NPAS3: variants seen among roughly 807,000 people sequenced by gnomAD.
The protein encoded by NPAS3 is neuronal PAS domain protein 3, also known as neuronal PAS domain-containing protein 3.
NPAS3 carries 14 observed loss-of-function variants against 73.1 expected under a neutral mutation model. That is an observed-to-expected ratio of 0.19 (90% CI 0.13 to 0.30). NPAS3 has a LOEUF of 0.30. NPAS3 is among the 10% of genes least tolerant of loss of function. The pLI, the probability that NPAS3 is intolerant of heterozygous loss-of-function variation, is 1.00. For missense variants in NPAS3, 1,096 were observed against 1,250.0 expected (o/e 0.88, Z 1.86); for synonymous variants, 620 against 541.5 (o/e 1.14, Z -2.01).
chr14:33,242,870 A>G (rs1340704258), intron 3 of NPAS3, among the ~76,000 whole-genome samples: 1 of 152,140 alleles, frequency 6.6e-6, no homozygotes, highest in East Asian at 1.9e-4. Flanking sequence ...ATAGCATTAG[A>G]TGATGTGGAA....
At chr14:33,797,072 C>G (rs1485981035) in intron 10 of NPAS3, among the ~76,000 whole-genome samples, 1 of 152,296 alleles carries the variant, frequency 6.6e-6, no homozygotes, top group East Asian at 1.9e-4. Flanking sequence ...GCCATGGACT[C>G]ATTAGGAGCC....
intron 5 of NPAS3, among the ~76,000 whole-genome samples, chr14:33,603,840 T>C (rs564076781): frequency 9.9e-5 from 15 of 152,112 alleles, no homozygotes; most frequent in Admixed American, 4.6e-4. Flanking sequence ...GGGAACACAG[T>C]GTGGGATTTG....
chr14:33,490,371 A>G (rs2051832716), intron 4 of NPAS3, among the ~76,000 whole-genome samples: 1 of 152,090 alleles, frequency 6.6e-6, no homozygotes, highest in African/African-American at 2.4e-5. Context: ...ACCCAGTTAT[A>G]TTTCCTTTTT....
intron 4 of NPAS3, among the ~76,000 whole-genome samples, chr14:33,451,273 T>C (rs1186738782): frequency 6.6e-6 from 1 of 152,228 alleles, no homozygotes; most frequent in Admixed American, 6.5e-5. Flanking sequence ...TGTTAAACAA[T>C]ACGGTACAGT....
chr14:33,360,354 C>T (rs1243399500), intron 3 of NPAS3, among the ~76,000 whole-genome samples: 12 of 132,358 alleles, frequency 9.1e-5, no homozygotes, highest in Admixed American at 3.1e-4. Context: ...GTGGTGGGGG[C>T]GGGAGGGGGC....
At chr14:33,508,364 T>C (rs964536815) in intron 4 of NPAS3, among the ~76,000 whole-genome samples, 11 of 152,014 alleles carry the variant, frequency 7.2e-5, no homozygotes, top group African/African-American at 2.7e-4. Context: ...TCCTCAGCAC[T>C]ATGAAGCAGT....
intron 3 of NPAS3, among the ~76,000 whole-genome samples, chr14:33,300,268 G>C (rs1033203037): frequency 3.3e-5 from 5 of 152,178 alleles, no homozygotes; most frequent in African/African-American, 7.2e-5. Context: ...TTAGCTCTAA[G>C]TATTACAGTC....
intron 2 of NPAS3, among the ~76,000 whole-genome samples, chr14:33,105,684 AGT>A (rs146966730): frequency 0.042 from 6,320 of 152,190 alleles, 131 homozygotes; most frequent in African/African-American, 0.06. Context: ...GTCCCAAATT[AGT>A]GCTAGTTGCA....
chr14:33,512,273 C>CT (rs34758120), intron 4 of NPAS3, among the ~76,000 whole-genome samples: 1,901 of 151,238 alleles, frequency 0.013, 37 homozygotes, highest in African/African-American at 0.04. Context: ...TGTAGAACAT[C>CT]TTTTTTTTTC....
chr14:33,033,406 G>A (rs2040061550), intron 1 of NPAS3, among the ~76,000 whole-genome samples: 1 of 152,114 alleles, frequency 6.6e-6, no homozygotes, highest in Admixed American at 6.5e-5. Context: ...TTGAACCTGG[G>A]AGGTGGATGT....
chr14:33,676,440 G>A lies in NPAS3; in HGVS notation c.733+55G>A, dbSNP rs752996990. On this transcript the variant is annotated intron_variant, in intron 6 of 11. Transcript: ENST00000356141. ...GGTGGGCAGGACCTTTGCCAAATGA[G>A]TGTGCTCAAGTTACCCATGTGAAGA... 1.5e-5 allele frequency: 22 copies of A among 1,442,618 alleles called. No homozygotes were observed. In the Admixed American group the frequency reaches 3.6e-4, roughly 24 times the overall value. The allele number at this position is 1,442,618 out of a possible 1,614,324, so 89.4% of individuals were successfully genotyped here. A position where few individuals can be genotyped will look rare whatever the true frequency, so the allele number is the denominator to read the frequency against.
At chr14:33,341,253 A>T (rs573283526) in intron 3 of NPAS3, among the ~76,000 whole-genome samples, 1 of 152,222 alleles carries the variant, frequency 6.6e-6, no homozygotes, top group African/African-American at 2.4e-5. Flanking sequence ...TATACATTTT[A>T]GTGGTACCTG....
At chr14:33,065,123 T>C (rs2041233515) in intron 2 of NPAS3, among the ~76,000 whole-genome samples, 1 of 152,228 alleles carries the variant, frequency 6.6e-6, no homozygotes, top group Non-Finnish European at 1.5e-5. Context: ...ATATACTCAT[T>C]AGTGATAGGA....
intron 1 of NPAS3, among the ~76,000 whole-genome samples, chr14:33,020,511 T>C (rs2039553621): frequency 6.6e-6 from 1 of 152,178 alleles, no homozygotes; most frequent in Non-Finnish European, 1.5e-5. Flanking sequence ...TTTTAAGCAC[T>C]CGATAAATGG....
chr14:33,367,622 G>C (rs1386979260), intron 4 of NPAS3, among the ~76,000 whole-genome samples: 1 of 151,634 alleles, frequency 6.6e-6, no homozygotes, highest in Non-Finnish European at 1.5e-5. Context: ...TATTGTTTTT[G>C]GAAGAGCAAA....
chr14:33,083,934 C>T (rs1423441723), intron 2 of NPAS3, among the ~76,000 whole-genome samples: 1 of 152,178 alleles, frequency 6.6e-6, no homozygotes, highest in African/African-American at 2.4e-5. Flanking sequence ...TTAATACTAT[C>T]ATTTCCTTGA....
At chr14:32,985,038 T>G (rs2139426430) in intron 1 of NPAS3, among the ~76,000 whole-genome samples, 1 of 152,346 alleles carries the variant, frequency 6.6e-6, no homozygotes, top group East Asian at 1.9e-4. Flanking sequence ...AGAGCCAAAT[T>G]ATATGTATTC....
At chr14:33,744,173 C>T (rs57461420) in intron 7 of NPAS3, among the ~76,000 whole-genome samples, 5,505 of 152,226 alleles carry the variant, frequency 0.036, 343 homozygotes, top group African/African-American at 0.12. Flanking sequence ...TTCAATATGC[C>T]TTATTCACTA....
At chr14:33,091,349 A>G (rs1217421588) in intron 2 of NPAS3, among the ~76,000 whole-genome samples, 1 of 152,208 alleles carries the variant, frequency 6.6e-6, no homozygotes, top group Non-Finnish European at 1.5e-5. Context: ...CCATGAGAGA[A>G]TACTATAAAC....
Sources: allele counts gnomAD v4.1 joint callset (sites outside exome capture counted in the v4.1 genomes callset), GRCh38; gene constraint gnomAD v4.1.1; transcripts MANE v1.5; gene names NCBI Gene and HGNC (gene_info 2026-07-23, HGNC 2026-07-21).